Variants in CRADD observed in about 807,000 individuals in gnomAD.
CRADD encodes CARD and death domain containing adaptor protein.
CRADD carries 9 observed loss-of-function variants against 15.5 expected under a neutral mutation model. The ratio of observed to expected loss-of-function variants is 0.58; its 90% CI spans 0.35 to 1.01. The LOEUF (loss-of-function observed/expected upper bound fraction) is 1.01. Ranked by LOEUF, CRADD falls within the 50% of genes least tolerant of loss-of-function variation. CRADD has a pLI of 0.02. For synonymous variants in CRADD, 118 were observed against 107.6 expected, an observed-to-expected ratio of 1.10 and a Z score of -0.60; for missense variants, 227 against 250.3, an observed-to-expected ratio of 0.91 and a Z score of 0.63.
intron 2 of CRADD, among the ~76,000 whole-genome samples, chr12:93,875,602 C>T (rs572408907): frequency 2.9e-4 from 44 of 152,000 alleles, no homozygotes; most frequent in African/African-American, 9.6e-4. Flanking sequence ...TACCACAAAG[C>T]TTGCAGATAC....
At chr12:93,869,887 T>A (rs1958403525) in intron 2 of CRADD, among the ~76,000 whole-genome samples, 1 of 152,180 alleles carries the variant, frequency 6.6e-6, no homozygotes, top group Non-Finnish European at 1.5e-5. Flanking sequence ...GAGACTTGGC[T>A]GAAAATTTTC....
intron 2 of CRADD, among the ~76,000 whole-genome samples, chr12:93,770,313 G>A (rs1227382769): frequency 6.6e-6 from 1 of 151,860 alleles, no homozygotes; most frequent in African/African-American, 2.4e-5. Context: ...TAGCCAGGAT[G>A]GTCTCGATCT....
chr12:93,891,344 G>A (rs141051035), intron 2 of CRADD, among the ~76,000 whole-genome samples: 3,094 of 152,018 alleles, frequency 0.02, 126 homozygotes, highest in African/African-American at 0.071. Flanking sequence ...AAAATTAGCC[G>A]GGCATGGTGG....
chr12:93,888,088 G>A (rs1398334354), intron 2 of CRADD, among the ~76,000 whole-genome samples: 1 of 152,166 alleles, frequency 6.6e-6, no homozygotes, highest in Non-Finnish European at 1.5e-5. Context: ...AATGGGGTGT[G>A]TTTGGGGAAC....
intron 2 of CRADD, among the ~76,000 whole-genome samples, chr12:93,844,423 G>T (rs1381123335): frequency 6.6e-6 from 1 of 152,104 alleles, no homozygotes; most frequent in African/African-American, 2.4e-5. Context: ...CTCTCTATAT[G>T]TGCAAAGATG....
At chr12:93,853,305 G>A (rs1958243869), downstream of CRADD, among the ~76,000 whole-genome samples, 1 of 151,960 alleles carries the variant, frequency 6.6e-6, no homozygotes, top group Non-Finnish European at 1.5e-5. Flanking sequence ...TACAAGAATG[G>A]GATTATATTG....
chr12:93,678,697 A>C lies in CRADD; in HGVS notation c.-6-72A>C, dbSNP rs1955212401. On this transcript the variant is annotated intron_variant, in intron 1 of 2. Coordinates refer to ENST00000332896, the MANE Select transcript of CRADD (RefSeq NM_003805.5). Reference sequence around the variant, plus strand: ...ATGTGCTTGACCTGAAGGAACTTACATTGCAGTGACACTGTCTTTAGGGCC... The same window carrying C: ...ATGTGCTTGACCTGAAGGAACTTACCTTGCAGTGACACTGTCTTTAGGGCC... The C allele has an allele frequency of 2.0e-6, 3 of 1,504,250 alleles. No homozygotes were observed. The African/African-American group carries it at 4.2e-5, about 21-fold the overall frequency. 93.2% of individuals were successfully genotyped at this position (1,504,250 alleles called of 1,614,324 possible). A position where few individuals can be genotyped will look rare whatever the true frequency, so the allele number is the denominator to read the frequency against.
intron 2 of CRADD, among the ~76,000 whole-genome samples, chr12:93,773,131 T>C (rs932303838): frequency 2.6e-5 from 4 of 152,214 alleles, no homozygotes; most frequent in African/African-American, 7.2e-5. Context: ...TTAAGAGGGT[T>C]AAACATGACA....
intron 2 of CRADD, among the ~76,000 whole-genome samples, chr12:93,819,393 G>C (rs1312217492): frequency 6.6e-6 from 1 of 152,212 alleles, no homozygotes; most frequent in African/African-American, 2.4e-5. Flanking sequence ...AGAACTAAAA[G>C]TAGCCTTGAA....
In CRADD at chr12:93,783,143, C is replaced by T. The variant is rs1296451364; in HGVS notation, c.299-66827C>T. Among the ~76,000 whole-genome samples the T allele has an allele frequency of 6.6e-5, 10 of 151,880 alleles. No individual in the cohort carries two copies. In the East Asian group the frequency reaches 1.2e-3, roughly 18 times the overall value. ...CTTTCCTTTCCTTTTTACTTTCCTTCTATTTCTTAAGAAATCATTTGCTGG... is the reference window on the plus strand; with the variant it reads ...CTTTCCTTTCCTTTTTACTTTCCTTTTATTTCTTAAGAAATCATTTGCTGG... On this transcript the variant is annotated intron_variant, in intron 2 of 2. Coordinates refer to ENST00000332896, the MANE Select transcript of CRADD (RefSeq NM_003805.5).
chr12:93,892,209 C>G (rs939302929), intron 2 of CRADD, among the ~76,000 whole-genome samples: 1 of 152,218 alleles, frequency 6.6e-6, no homozygotes, highest in Non-Finnish European at 1.5e-5. Flanking sequence ...CAAGTGTGTG[C>G]TGATCGGCAG....
chr12:93,885,718 G>A (rs1374705445), intron 2 of CRADD, among the ~76,000 whole-genome samples: 2 of 152,174 alleles, frequency 1.3e-5, no homozygotes, highest in Non-Finnish European at 2.9e-5. Context: ...ATGGTTGTAA[G>A]GATGAAAGAA....
At chr12:93,742,425 C>T (rs1020894694) in intron 2 of CRADD, among the ~76,000 whole-genome samples, 9 of 146,432 alleles carry the variant, frequency 6.1e-5, no homozygotes, top group Admixed American at 1.3e-4. Context: ...CGCGCGGCCC[C>T]AGCCGCCCTA....
intron 2 of CRADD, among the ~76,000 whole-genome samples, chr12:93,813,452 T>G (rs1957651871): frequency 6.6e-6 from 1 of 152,252 alleles, no homozygotes; most frequent in African/African-American, 2.4e-5. Flanking sequence ...GGACAGAAAC[T>G]TCCTCTGTCT....
chr12:93,830,418 T>A (rs780960813), intron 2 of CRADD, among the ~76,000 whole-genome samples: 1 of 152,190 alleles, frequency 6.6e-6, no homozygotes, highest in Non-Finnish European at 1.5e-5. Flanking sequence ...AGGTAAGTAT[T>A]TTTTGTTTTG....
chr12:93,798,868 C>T (rs17021583), intron 2 of CRADD, among the ~76,000 whole-genome samples: 15,589 of 152,174 alleles, frequency 0.1, 947 homozygotes, highest in Admixed American at 0.2. Flanking sequence ...CTCTCTGAGG[C>T]CCAGGGATAC....
At chr12:93,825,600 C>T (rs1278111038) in intron 2 of CRADD, among the ~76,000 whole-genome samples, 2 of 152,150 alleles carry the variant, frequency 1.3e-5, no homozygotes, top group Admixed American at 6.5e-5. Flanking sequence ...TGTCATACAG[C>T]GGAGAGGGAA....
chr12:93,837,817 C>CT, intron 2 of CRADD: 1 of 152,294 alleles, frequency 6.6e-6, no homozygotes, highest in African/African-American at 2.4e-5. Context: ...AGAAAGCAGT[C>CT]TAAGAGAGGC....
intron 2 of CRADD, among the ~76,000 whole-genome samples, chr12:93,715,211 TC>T (rs1956141491): frequency 6.6e-6 from 1 of 152,338 alleles, no homozygotes; most frequent in African/African-American, 2.4e-5. Context: ...TTGAAATTAC[TC>T]ATAGGGTAAG....
Sources: allele counts gnomAD v4.1 joint callset (sites outside exome capture counted in the v4.1 genomes callset), GRCh38; gene constraint gnomAD v4.1.1; transcripts MANE v1.5; gene names NCBI Gene and HGNC (gene_info 2026-07-23, HGNC 2026-07-21).